Variants in MICAL2 observed in about 807,000 individuals in gnomAD.
MICAL2 encodes the protein [F-actin]-monooxygenase MICAL2.
MICAL2 carries 77 observed loss-of-function variants against 127.3 expected under a neutral mutation model. The observed-to-expected ratio is 0.60, with a 90% CI of 0.50 to 0.73. The LOEUF is 0.73. Ranked by LOEUF, MICAL2 falls within the 30% of genes least tolerant of loss-of-function variation. The pLI, the probability that MICAL2 is intolerant of heterozygous loss-of-function variation, is 0.00. For synonymous variants in MICAL2, 570 were observed against 551.1 expected, an observed-to-expected ratio of 1.03 and a Z score of -0.48; for missense variants, 1,351 against 1,434.4, an observed-to-expected ratio of 0.94 and a Z score of 0.94.
chr11:12,317,491 T>C (rs938659238), intron 29 of MICAL2, among the ~76,000 whole-genome samples: 2 of 152,176 alleles, frequency 1.3e-5, no homozygotes, highest in African/African-American at 4.8e-5. Context: ...TTTAAGATTT[T>C]ACAAATGAAA....
chr11:12,248,488 C>T (rs187978359), intron 21 of MICAL2, among the ~76,000 whole-genome samples: 21 of 152,188 alleles, frequency 1.4e-4, no homozygotes, highest in African/African-American at 2.9e-4. Context: ...TTTGCCATGC[C>T]GTTGAGCTCT....
At chr11:12,141,267 C>T (rs527696341) in intron 2 of MICAL2, among the ~76,000 whole-genome samples, 10 of 152,160 alleles carry the variant, frequency 6.6e-5, no homozygotes, top group Admixed American at 3.9e-4. Flanking sequence ...TGGCCTTGGG[C>T]GAGTCACAGA....
At chr11:12,345,226 T>C (rs765465360) in intron 32 of MICAL2, among the ~76,000 whole-genome samples, 1 of 152,168 alleles carries the variant, frequency 6.6e-6, no homozygotes, top group Non-Finnish European at 1.5e-5. Context: ...GAAAAACAAA[T>C]GTCATTTCTT....
chr11:12,335,542 G>C (rs867556898), intron 32 of MICAL2, among the ~76,000 whole-genome samples: 53 of 152,200 alleles, frequency 3.5e-4, no homozygotes, highest in African/African-American at 1.2e-3. Context: ...CCTATGTCCT[G>C]AATAGTATTG....
At chr11:12,224,432 G>T in intron 12 of MICAL2, 1 of 509,984 alleles carries the variant, frequency 2.0e-6, no homozygotes. Flanking sequence ...AAACACAGTA[G>T]GTCTTAGGAA....
Position 12,228,058 on chromosome 11 carries a change from G to A in MICAL2, c.1995+927G>A, listed in dbSNP as rs371955908. On this transcript the variant is annotated intron_variant, in intron 15 of 27. Transcript: ENST00000683283. ...ATAAAAATGGAGGCCTATGGTTGTG[G>A]TGGCTCACGCCTGTAATCCCAGCAC... Among the ~76,000 whole-genome samples the A allele has an allele frequency of 2.6e-5, 4 of 152,234 alleles. No individual in the cohort carries two copies. In the East Asian group the frequency reaches 7.7e-4, roughly 29 times the overall value.
downstream of MICAL2, among the ~76,000 whole-genome samples, chr11:12,295,458 C>CTT (rs202188149): frequency 2.3e-4 from 27 of 116,638 alleles, no homozygotes; most frequent in Non-Finnish European, 3.3e-4. Context: ...TTTTTTTTTT[C>CTT]TTTTTTTTTA....
At chr11:12,154,074 G>A (rs1019199898) in intron 2 of MICAL2, among the ~76,000 whole-genome samples, 5 of 152,194 alleles carry the variant, frequency 3.3e-5, no homozygotes, top group African/African-American at 1.2e-4. Context: ...TGGAATGTGG[G>A]TGGGAGAGCA....
At chr11:12,331,380 A>G (rs1431956955) in intron 32 of MICAL2, among the ~76,000 whole-genome samples, 1 of 152,130 alleles carries the variant, frequency 6.6e-6, no homozygotes, top group Non-Finnish European at 1.5e-5. Flanking sequence ...AGTTGTCTGC[A>G]TGGAGCTTCT....
intron 29 of MICAL2, among the ~76,000 whole-genome samples, chr11:12,307,417 A>G (rs1346107067): frequency 1.3e-5 from 2 of 152,224 alleles, no homozygotes. Flanking sequence ...CAAAGAGCAG[A>G]ACTTTTTAAT....
chr11:12,265,607 T>C (rs1474876737), downstream of MICAL2, among the ~76,000 whole-genome samples: 1 of 152,200 alleles, frequency 6.6e-6, no homozygotes, highest in Non-Finnish European at 1.5e-5. Flanking sequence ...CATTGCATGG[T>C]ATTTTCAAGG....
intron 13 of MICAL2, 119 bp downstream of exon 13, chr11:12,224,939 T>C: frequency 1.6e-6 from 2 of 1,265,388 alleles, no homozygotes; most frequent in Non-Finnish European, 1.1e-6. Flanking sequence ...TTTGAGATTT[T>C]TCTTAACATT....
rs562028130 is a variant in MICAL2, at chr11:12,171,660, T to A, written c.264+9241T>A. Among the ~76,000 whole-genome samples, 6 of 152,280 alleles carry A rather than the reference T, an allele frequency of 3.9e-5. No individual in the cohort carries two copies. In the South Asian group the frequency reaches 1.2e-3, roughly 32 times the overall value. ...TTGTAAGAGTGCATTCAGCTGCAGG[T>A]AATTGAGATGCTGACCAGAGGCGAA... On this transcript the variant is annotated intron_variant, in intron 3 of 27. Coordinates refer to ENST00000683283, the MANE Select transcript of MICAL2 (RefSeq NM_001282663.2).
chr11:12,168,169 CTTATGCACACAT>C (rs1215538865), intron 3 of MICAL2, among the ~76,000 whole-genome samples: 1 of 150,432 alleles, frequency 6.6e-6, no homozygotes, highest in Non-Finnish European at 1.5e-5. Flanking sequence ...CACACACACA[CTTATGCACACAT>C]ACACCATACA....
In MICAL2 at chr11:12,238,021, C is replaced by T. The variant is rs559801090; in HGVS notation, c.2065-1415C>T. On this transcript the variant is annotated intron_variant, in intron 16 of 27. Coordinates refer to ENST00000683283, the MANE Select transcript of MICAL2 (RefSeq NM_001282663.2). ...CACTTTGAAGGAGGGTATGCCTCTT[C>T]GGTTTGTGTTCGTCCAACACTCAGA... 2.6e-4 allele frequency among the ~76,000 whole-genome samples: 40 copies of T among 152,338 alleles called. 1 individual carries two copies. Among genetic ancestry groups the T allele is most frequent in the African/African-American group, 8.4e-4 (35 of 41,578 alleles).
chr11:12,330,288 T>A (rs533509190), intron 32 of MICAL2, among the ~76,000 whole-genome samples: 12 of 152,346 alleles, frequency 7.9e-5, no homozygotes, highest in African/African-American at 2.9e-4. Flanking sequence ...TAGGTTAAGT[T>A]GTATTTGAGC....
At chr11:12,307,089 T>G (rs1864120350) in intron 29 of MICAL2, among the ~76,000 whole-genome samples, 1 of 152,226 alleles carries the variant, frequency 6.6e-6, no homozygotes, top group Non-Finnish European at 1.5e-5. Flanking sequence ...TTTCGGTTAC[T>G]GTACATCCAT....
rs146558634 is a variant in MICAL2, at chr11:12,223,489, C to T, written c.1528C>T (p.Leu510Phe). The change falls in exon 12 of 28, where the codon CTC becomes TTC. Residue 510 changes from leucine to phenylalanine, a missense_variant. Coordinates refer to ENST00000683283, the MANE Select transcript of MICAL2 (RefSeq NM_001282663.2). ...GGGCTCGGTGAGGAGATCTGTCAACCTCTCCAGGAAGGGTAAGCGGCCCTC... is the reference window on the plus strand; with the variant it reads ...GGGCTCGGTGAGGAGATCTGTCAACTTCTCCAGGAAGGGTAAGCGGCCCTC... The part of the protein sequence containing the change: ...RLGSVRRSVN[L>F]SRKESDIRPS... The T allele has an allele frequency of 1.9e-6, 3 of 1,613,818 alleles. No homozygotes were observed. Among genetic ancestry groups the T allele is most frequent in the African/African-American group, 2.7e-5 (2 of 74,888 alleles).
chr11:12,332,177 G>T (rs1306078570), intron 32 of MICAL2, among the ~76,000 whole-genome samples: 2 of 152,194 alleles, frequency 1.3e-5, no homozygotes, highest in African/African-American at 4.8e-5. Context: ...TTGGGAATGG[G>T]TTTTAGGAAA....
Sources: allele counts gnomAD v4.1 joint callset (sites outside exome capture counted in the v4.1 genomes callset), GRCh38; gene constraint gnomAD v4.1.1; transcripts MANE v1.5; gene names NCBI Gene and HGNC (gene_info 2026-07-23, HGNC 2026-07-21).